The following TUBA3D variants were observed in gnomAD, a reference collection of about 807,000 sequenced individuals.
TUBA3D encodes the protein tubulin alpha 3d, also known as tubulin alpha-3D chain.
TUBA3D carries 24 observed loss-of-function variants against 36.1 expected under a neutral mutation model. That is an observed-to-expected ratio of 0.66 (90% CI 0.48 to 0.93). The LOEUF (loss-of-function observed/expected upper bound fraction) is 0.93. Among genes scored for constraint, TUBA3D ranks in the 40% least tolerant of loss-of-function variants. The pLI is 0.00. For missense variants in TUBA3D, 356 were observed against 614.5 expected, an observed-to-expected ratio of 0.58 and a Z score of 4.45; for synonymous variants, 185 against 247.2, an observed-to-expected ratio of 0.75 and a Z score of 2.36.
rs557578960 is a variant in TUBA3D at position 131,478,562 on chromosome 2, G to C, written c.226+176G>C. Among the ~76,000 whole-genome samples the C allele has an allele frequency of 1.4e-4, 22 of 152,326 alleles. 1 individual carries two copies. Among genetic ancestry groups the C allele is most frequent in the African/African-American group, 5.1e-4 (21 of 41,568 alleles). On this transcript the variant is annotated intron_variant, in intron 2 of 4. Coordinates refer to ENST00000321253, the MANE Select transcript of TUBA3D (RefSeq NM_080386.4). ...CGTGATCAAAGTGTCTGTGAGACTCGGCTCCTAATTTAGGAAAACCTGACC... is the reference window on the plus strand; with the variant it reads ...CGTGATCAAAGTGTCTGTGAGACTCCGCTCCTAATTTAGGAAAACCTGACC...
intron 4 of TUBA3D, 29 bp from the exon 5 acceptor site, chr2:131,482,523 T>G: frequency 6.3e-7 from 1 of 1,583,228 alleles, no homozygotes; most frequent in Non-Finnish European, 8.6e-7. Context: ...ATAAGCTTCA[T>G]GGACTGCTTT....
Position 131,476,170 on chromosome 2 carries a change from T to C in TUBA3D, c.-30T>C. 3 of 1,613,792 alleles carry C rather than the reference T, an allele frequency of 1.9e-6. No individual in the cohort carries two copies. Among genetic ancestry groups the C allele is most frequent in the Non-Finnish European group, 2.5e-6 (3 of 1,179,948 alleles). Reference sequence around the variant, plus strand: ...GTGGCAGCCGGTTGAGGTCTGGCAGTAGCGTTGGGCTGAAGCAGCGGAGTT... The same window carrying C: ...GTGGCAGCCGGTTGAGGTCTGGCAGCAGCGTTGGGCTGAAGCAGCGGAGTT... On this transcript the variant is annotated 5_prime_UTR_variant, in exon 1 of 5. Transcript: ENST00000321253.
At position 131,482,884 on chromosome 2, in the gene TUBA3D, G is replaced by T; in HGVS notation, c.*36G>T. 1 of 1,581,250 alleles carries T rather than the reference G, an allele frequency of 6.3e-7. No homozygotes were observed. The highest frequency in any genetic ancestry group is 8.6e-7 in the Non-Finnish European group (1 of 1,162,898). ...TGGTGGGTTCTCCCCTGCCACCCCCGGGATGGCTGCTTCCAAGTTGTTTGC... is the reference window on the plus strand; with the variant it reads ...TGGTGGGTTCTCCCCTGCCACCCCCTGGATGGCTGCTTCCAAGTTGTTTGC... On this transcript the variant is annotated 3_prime_UTR_variant, in exon 5 of 5. Transcript: ENST00000321253.
chr2:131,481,434 A>C (rs1678862148), intron 4 of TUBA3D, among the ~76,000 whole-genome samples: 1 of 111,600 alleles, frequency 9.0e-6, no homozygotes, highest in African/African-American at 4.8e-5. Flanking sequence ...ATGCCCGGGT[A>C]ATTTTTTTTT....
chr2:131,479,418 G>A lies in TUBA3D; in HGVS notation c.337G>A (p.Glu113Lys). Residue 113 changes from glutamate (E) to lysine (K), a missense_variant, in exon 3 of 5, where the codon GAG (glutamate) becomes AAG (lysine). Physicochemically the swap from Glu to Lys is moderately conservative, Grantham distance 56. Around this residue, in one of 3 missense-constraint regions of TUBA3D, gnomAD observed 109 missense variants for 153.7 expected, o/e 0.71. Transcript: ENST00000321253. ...YARGHYTIGK[E>K]IVDLVLDRIR... ...CAGGGGCCATTACACCATCGGCAAGGAGATTGTTGACCTAGTCCTGGACCG... is the reference window on the plus strand; with the variant it reads ...CAGGGGCCATTACACCATCGGCAAGAAGATTGTTGACCTAGTCCTGGACCG... 3 of 1,614,210 alleles carry A rather than the reference G, an allele frequency of 1.9e-6. No individual in the cohort carries two copies. Among genetic ancestry groups the A allele is most frequent in the South Asian group, 1.1e-5 (1 of 91,080 alleles).
rs1174934029 is a variant in TUBA3D at position 131,476,957 on chromosome 2, A to G, written c.3+755A>G. Among the ~76,000 whole-genome samples the G allele has an allele frequency of 2.1e-5, 3 of 144,442 alleles. No individual in the cohort carries two copies. In the East Asian group the frequency reaches 5.8e-4, roughly 28 times the overall value. The allele number at this position is 144,442 out of a possible 152,430, so 94.8% of individuals were successfully genotyped here. ...AAGACACAAACAAAAAAAGCAGCCC[A>G]TTAACATAACAGATTCCCAAGTCCC... On this transcript the variant is annotated intron_variant, in intron 1 of 4. Coordinates refer to ENST00000321253, the MANE Select transcript of TUBA3D (RefSeq NM_080386.4).
intron 1 of TUBA3D, 80 bp downstream of exon 1, chr2:131,476,282 G>C: frequency 2.5e-6 from 4 of 1,607,392 alleles, no homozygotes; most frequent in Middle Eastern, 1.9e-4. Flanking sequence ...ACGTTGTTGC[G>C]GGCCTGGGCG....
At chr2:131,478,503 C>G in intron 2 of TUBA3D, 117 bp downstream of exon 2, 2 of 1,362,066 alleles carry the variant, frequency 1.5e-6, no homozygotes, top group Non-Finnish European at 2.0e-6. Flanking sequence ...CAGGCATATG[C>G]CCATGGCATT....
chr2:131,480,410 A>G lies in TUBA3D; in HGVS notation c.717A>G (p.Thr239=), dbSNP rs6423208. 0.23 allele frequency: 298,969 copies of G among 1,312,062 alleles called. 90,062 individuals carry two copies. The highest frequency in any genetic ancestry group is 0.78 in the East Asian group (32,955 of 42,272). The allele number at this position is 1,312,062 out of a possible 1,614,324, so 81.3% of individuals were successfully genotyped here. A position where few individuals can be genotyped will look rare whatever the true frequency, so the allele number is the denominator to read the frequency against. ...RLIGQIVSSI[T]ASLRFDGALN... The stretch of plus-strand genomic sequence containing the variant: ...TTGGGCAGATCGTGTCCTCCATCAC[A>G]GCCTCCCTGCGATTTGATGGGGCCC... The change falls in exon 4 of 5, where the codon ACA becomes ACG. Residue 239 remains threonine (T), a synonymous_variant. Transcript: ENST00000321253.
Position 131,480,754 on chromosome 2 carries a change from G to A in TUBA3D, c.1056+5G>A, listed in dbSNP as rs1212842625. ...TGGTGCCCGACTGGATTTAAGGTAT[G>A]ACTGGGTGATGTGGAGGCCTTTCAG... is the stretch of plus-strand genomic sequence containing the variant. On this transcript the variant is annotated splice_donor_5th_base_variant and intron_variant, in intron 4 of 4. Transcript: ENST00000321253. 1.0e-5 allele frequency: 16 copies of A among 1,606,920 alleles called. No homozygotes were observed. Among genetic ancestry groups the A allele is most frequent in the Non-Finnish European group, 1.1e-5 (13 of 1,174,592 alleles).
intron 1 of TUBA3D, 84 bp from the exon 2 acceptor site, chr2:131,478,080 A>C (rs1398285413): frequency 6.5e-7 from 1 of 1,531,844 alleles, no homozygotes; most frequent in South Asian, 1.3e-5. Flanking sequence ...CAGTATATAA[A>C]TATTAAATTA....
At position 131,482,734 on chromosome 2, in the gene TUBA3D, G is replaced by A; in HGVS notation, c.1239G>A (p.Met413Ile). 7 of 1,614,218 alleles carry A rather than the reference G, an allele frequency of 4.3e-6. No individual in the cohort carries two copies. The highest frequency in any genetic ancestry group is 5.9e-6 in the Non-Finnish European group (7 of 1,180,048). ...AFVHWYVGEG[M>I]EEGEFSEARE... The stretch of plus-strand genomic sequence containing the variant: ...TGCACTGGTACGTGGGCGAAGGCAT[G>A]GAAGAGGGAGAGTTCTCTGAGGCCC... The change falls in exon 5 of 5, where the codon ATG (methionine) becomes ATA (isoleucine). Residue 413 changes from methionine to isoleucine, a missense_variant. By Grantham distance (10) the Met-to-Ile change is conservative. Around this residue, in one of 3 missense-constraint regions of TUBA3D, gnomAD observed 156 missense variants for 219.8 expected, o/e 0.71. Transcript: ENST00000321253.
intron 4 of TUBA3D, among the ~76,000 whole-genome samples, chr2:131,482,027 T>C (rs1559351613): frequency 6.6e-6 from 1 of 152,224 alleles, no homozygotes; most frequent in Non-Finnish European, 1.5e-5. Flanking sequence ...GGCAGGCACA[T>C]GGACCACTTC....
At chr2:131,481,520 C>G (rs1222568411) in intron 4 of TUBA3D, among the ~76,000 whole-genome samples, 1 of 151,466 alleles carries the variant, frequency 6.6e-6, no homozygotes, top group Non-Finnish European at 1.5e-5. Context: ...ACTGCAACCT[C>G]CACCTCCCGG....
Position 131,482,453 on chromosome 2 carries a change from C to T in TUBA3D, c.1057-99C>T, listed in dbSNP as rs531029628. ...TTTGTGAGGTGAACTGAGCATTCTC[C>T]GTGTCACCTACAGGGTGTCTTCTGT... On this transcript the variant is annotated intron_variant, in intron 4 of 4. Transcript: ENST00000321253. 1.7e-4 allele frequency: 263 copies of T among 1,504,620 alleles called. No individual in the cohort carries two copies. In the East Asian group the frequency reaches 2.6e-3, roughly 15 times the overall value. The allele number at this position is 1,504,620 out of a possible 1,614,324, so 93.2% of individuals were successfully genotyped here.
intron 3 of TUBA3D, among the ~76,000 whole-genome samples, chr2:131,479,838 TCAAA>T (rs201000908): frequency 0.016 from 2,412 of 152,170 alleles, 57 homozygotes; most frequent in African/African-American, 0.054. Context: ...AGATTCCGTC[TCAAA>T]CAAACAAGCA....
At chr2:131,479,228 G>C (rs1678768506) in intron 2 of TUBA3D, 80 bp from the exon 3 acceptor site, 1 of 1,549,804 alleles carries the variant, frequency 6.5e-7, no homozygotes, top group Admixed American at 1.9e-5. Context: ...GTGCTCTGTA[G>C]AAGTGAACAC....
At chr2:131,480,023 GTGTGGCT>G (rs2104724745) in intron 3 of TUBA3D, 39 bp from the exon 4 acceptor site, 1 of 1,532,830 alleles carries the variant, frequency 6.5e-7, no homozygotes, top group African/African-American at 1.4e-5. Flanking sequence ...GAGGTTGGTG[GTGTGGCT>G]TCCATGGGCA....
At chr2:131,481,319 A>G (rs975831113) in intron 4 of TUBA3D, among the ~76,000 whole-genome samples, 3 of 151,822 alleles carry the variant, frequency 2.0e-5, no homozygotes, top group Non-Finnish European at 4.4e-5. Context: ...CCCAGGCTGT[A>G]GTATAGTAGT....
Sources: allele counts gnomAD v4.1 joint callset (sites outside exome capture counted in the v4.1 genomes callset), GRCh38; gene constraint gnomAD v4.1.1; regional missense constraint gnomAD v4.1.1; transcripts MANE v1.5; gene names NCBI Gene and HGNC (gene_info 2026-07-23, HGNC 2026-07-21).